GALNT10: variants seen among roughly 807,000 people sequenced by gnomAD.
GALNT10 encodes polypeptide N-acetylgalactosaminyltransferase 10.
In GALNT10, 41 loss-of-function variants were observed where a neutral mutation model predicts 75.0. The ratio of observed to expected loss-of-function variants is 0.55; its 90% CI spans 0.43 to 0.71. GALNT10 has a LOEUF of 0.71. GALNT10 is among the 30% of genes least tolerant of loss of function. The pLI is 0.00. For synonymous variants in GALNT10, 302 were observed against 313.0 expected, an observed-to-expected ratio of 0.96 and a Z score of 0.37; for missense variants, 727 against 818.5, an observed-to-expected ratio of 0.89 and a Z score of 1.36.
chr5:154,227,264 C>T (rs980386562), intron 1 of GALNT10, among the ~76,000 whole-genome samples: 1 of 152,168 alleles, frequency 6.6e-6, no homozygotes, highest in African/African-American at 2.4e-5. Flanking sequence ...TTTTACATTC[C>T]CAGCAGCAGT....
intron 3 of GALNT10, among the ~76,000 whole-genome samples, chr5:154,303,904 T>C (rs745733817): frequency 6.6e-6 from 1 of 152,138 alleles, no homozygotes; most frequent in Non-Finnish European, 1.5e-5. Flanking sequence ...GACACAGATA[T>C]TAGAATTAGC....
Position 154,409,458 on chromosome 5 carries a change from G to A in GALNT10, c.1165-83G>A, listed in dbSNP as rs764271144. ...ACATAAAATAAGAAGGGTTGACCTC[G>A]ACCTGCCAGGACCCTTTTCACCCCA... On this transcript the variant is annotated intron_variant, in intron 8 of 11. Transcript: ENST00000297107. This position sits in a 1 kb window ranked among gnomAD's most constrained non-coding sequence, Gnocchi z 4.5. The A allele has an allele frequency of 2.5e-5, 22 of 890,214 alleles. No homozygotes were observed. The highest frequency in any genetic ancestry group is 4.0e-5 in the Non-Finnish European group (21 of 519,874). 55.1% of individuals were successfully genotyped at this position (890,214 alleles called of 1,614,324 possible).
intron 4 of GALNT10, among the ~76,000 whole-genome samples, chr5:154,370,854 G>A (rs1755552710): frequency 6.6e-6 from 1 of 152,216 alleles, no homozygotes; most frequent in Non-Finnish European, 1.5e-5. Context: ...CCTAGCCAGT[G>A]CAGTAGGCCG....
chr5:154,217,290 T>G (rs1351415745), intron 1 of GALNT10, among the ~76,000 whole-genome samples: 1 of 152,196 alleles, frequency 6.6e-6, no homozygotes, highest in Admixed American at 6.5e-5. Context: ...GTTTGCCCTC[T>G]GAGAGATGCC....
chr5:154,391,157 C>T (rs930468376), intron 7 of GALNT10, among the ~76,000 whole-genome samples: 2 of 152,226 alleles, frequency 1.3e-5, no homozygotes, highest in Non-Finnish European at 2.9e-5. Context: ...ACAGGTGAGC[C>T]CATTCATCCC....
chr5:154,330,584 G>A (rs1237264610), intron 4 of GALNT10, among the ~76,000 whole-genome samples: 1 of 152,186 alleles, frequency 6.6e-6, no homozygotes, highest in Non-Finnish European at 1.5e-5. Flanking sequence ...GTCTTACCCT[G>A]TGGAATAACT....
At position 154,376,481 on chromosome 5, in the gene GALNT10, C is replaced by A; in HGVS notation, c.754+19C>A. ...TTGCTTGGTAAGGGAGCCCCTCCCA[C>A]TTGGAGGGAGGCAAACTGCAATGAG... On this transcript the variant is annotated intron_variant, in intron 5 of 11. Coordinates refer to ENST00000297107, the MANE Select transcript of GALNT10 (RefSeq NM_198321.4). The surrounding 1 kb of genome is among the most constrained non-coding windows in gnomAD (Gnocchi z 4.1). 1 of 1,545,902 alleles carries A rather than the reference C, an allele frequency of 6.5e-7. No individual in the cohort carries two copies. The highest frequency in any genetic ancestry group is 8.7e-7 in the Non-Finnish European group (1 of 1,148,388).
intron 6 of GALNT10, among the ~76,000 whole-genome samples, chr5:154,384,447 T>C (rs1235533724): frequency 6.6e-6 from 1 of 152,144 alleles, no homozygotes; most frequent in African/African-American, 2.4e-5. Flanking sequence ...ACCAACACTT[T>C]AAAATTATTA....
chr5:154,326,215 G>A (rs1178742963), intron 3 of GALNT10, among the ~76,000 whole-genome samples: 1 of 152,130 alleles, frequency 6.6e-6, no homozygotes, highest in Non-Finnish European at 1.5e-5. Context: ...ACACTCACTA[G>A]GATAGCTATA....
chr5:154,238,852 A>G lies in GALNT10; in HGVS notation c.159+47827A>G, dbSNP rs191554992. Among the ~76,000 whole-genome samples the G allele has an allele frequency of 1.5e-4, 23 of 152,304 alleles. No homozygotes were observed. In the East Asian group the frequency reaches 4.4e-3, roughly 29 times the overall value. Reference sequence around the variant, plus strand: ...AAAAAAGTATATCCTTCATAATATGACTACCATTTATTGTGCTGTTACTGT... The same window carrying G: ...AAAAAAGTATATCCTTCATAATATGGCTACCATTTATTGTGCTGTTACTGT... On this transcript the variant is annotated intron_variant, in intron 1 of 11. Transcript: ENST00000297107.
intron 3 of GALNT10, among the ~76,000 whole-genome samples, chr5:154,315,345 G>C (rs28672329): frequency 0.3 from 46,043 of 152,156 alleles, 7,721 homozygotes; most frequent in African/African-American, 0.45. Flanking sequence ...GCCAAGCCCC[G>C]CAGGGGAAGG....
chr5:154,403,794 C>G (rs1409924966), intron 7 of GALNT10: 10 of 380,366 alleles, frequency 2.6e-5, no homozygotes, highest in Non-Finnish European at 3.9e-5. Flanking sequence ...CTTAGCTTCT[C>G]TGAGCCTCCA....
At chr5:154,330,035 CTCTA>C (rs954010412) in intron 4 of GALNT10, 33 of 228,342 alleles carry the variant, frequency 1.4e-4, no homozygotes, top group Non-Finnish European at 2.1e-4. Context: ...ACTTATCTGT[CTCTA>C]TCTATTTATT....
In GALNT10 at chr5:154,402,033, G is replaced by T. The variant is rs373741087; in HGVS notation, c.1057-2071G>T. Among the ~76,000 whole-genome samples, 1 of 152,102 alleles carries T rather than the reference G, an allele frequency of 6.6e-6. No individual in the cohort carries two copies. The highest frequency in any genetic ancestry group is 6.5e-5 in the Admixed American group (1 of 15,282). Reference sequence around the variant, plus strand: ...GGTCAGGACGGTCTCATATCAGGACGACTGCAAGAGCCTCCCGGGCCTACT... The same window carrying T: ...GGTCAGGACGGTCTCATATCAGGACTACTGCAAGAGCCTCCCGGGCCTACT... On this transcript the variant is annotated intron_variant, in intron 7 of 11. Coordinates refer to ENST00000297107, the MANE Select transcript of GALNT10 (RefSeq NM_198321.4). This position sits in a 1 kb window ranked among gnomAD's most constrained non-coding sequence, Gnocchi z 4.2.
At chr5:154,337,291 G>A (rs190988167) in intron 4 of GALNT10, among the ~76,000 whole-genome samples, 2 of 152,290 alleles carry the variant, frequency 1.3e-5, no homozygotes, top group Admixed American at 1.3e-4. Flanking sequence ...CACAAATACA[G>A]TCCTTGAGTT....
At chr5:154,245,808 C>CTTTT (rs3048584) in intron 1 of GALNT10, among the ~76,000 whole-genome samples, 1 of 141,184 alleles carries the variant, frequency 7.1e-6, no homozygotes. Context: ...ATCTTAAGCG[C>CTTTT]TTTTTTTTTT....
At chr5:154,253,315 T>A (rs1271238355) in intron 1 of GALNT10, among the ~76,000 whole-genome samples, 2 of 146,032 alleles carry the variant, frequency 1.4e-5, no homozygotes, top group Admixed American at 1.4e-4. Context: ...CACCGCATAT[T>A]CTCACTCATA....
chr5:154,250,118 C>G (rs1483688656), intron 1 of GALNT10, among the ~76,000 whole-genome samples: 2 of 152,176 alleles, frequency 1.3e-5, no homozygotes, highest in Admixed American at 6.5e-5. Context: ...AGCTTGACAC[C>G]AGCTAGACTT....
chr5:154,270,821 C>T (rs1438318321), intron 1 of GALNT10, among the ~76,000 whole-genome samples: 1 of 151,910 alleles, frequency 6.6e-6, no homozygotes, highest in African/African-American at 2.4e-5. Context: ...TGGCGAAAAC[C>T]CATCTCTACT....
Sources: allele counts gnomAD v4.1 joint callset (sites outside exome capture counted in the v4.1 genomes callset), GRCh38; gene constraint gnomAD v4.1.1; non-coding constraint Gnocchi (gnomAD v3.1); transcripts MANE v1.5; gene names NCBI Gene and HGNC (gene_info 2026-07-23, HGNC 2026-07-21).